The following TMEM245 variants were observed in gnomAD, a reference collection of about 807,000 sequenced individuals.
TMEM245 encodes transmembrane protein 245, also known as protein CG-2.
A neutral mutation model predicts 101.2 loss-of-function variants in TMEM245; 69 were observed. That is an observed-to-expected ratio of 0.68 (90% CI 0.56 to 0.83). The LOEUF is 0.83. Among genes scored for constraint, TMEM245 ranks in the 40% least tolerant of loss-of-function variants. The pLI, the probability that TMEM245 is intolerant of heterozygous loss-of-function variation, is 0.00. For synonymous variants in TMEM245, 537 were observed against 449.8 expected, an observed-to-expected ratio of 1.19 and a Z score of -2.45; for missense variants, 1,075 against 1,092.8, an observed-to-expected ratio of 0.98 and a Z score of 0.23.
At chr9:109,071,627 C>G (rs1234252015) in intron 9 of TMEM245, among the ~76,000 whole-genome samples, 2 of 151,002 alleles carry the variant, frequency 1.3e-5, no homozygotes, top group Non-Finnish European at 3.0e-5. Flanking sequence ...AAATTTTATT[C>G]TAAATCAAGT....
intron 16 of TMEM245, among the ~76,000 whole-genome samples, chr9:109,034,612 A>G (rs945141868): frequency 6.6e-6 from 1 of 151,644 alleles, no homozygotes; most frequent in African/African-American, 2.4e-5. Context: ...ACACCAAACT[A>G]ATCTTTATAT....
chr9:109,032,365 C>CTTTTTTT lies in TMEM245; in HGVS notation c.2594+935_2594+941dup, dbSNP rs755399182. 7.0e-3 allele frequency among the ~76,000 whole-genome samples: 286 copies of CTTTTTTT among 40,976 alleles called. 100 individuals are homozygous for CTTTTTTT. Among genetic ancestry groups the CTTTTTTT allele is most frequent in the Non-Finnish European group, 9.2e-3 (207 of 22,610 alleles). 26.9% of individuals were successfully genotyped at this position (40,976 alleles called of 152,430 possible). The stretch of plus-strand genomic sequence containing the variant: ...GCATTTGGTTGTCCTATTTCTTTTC[C>CTTTTTTT]TTTTTTTTTTTTTTTTTTTTTTTTT... On this transcript the variant is annotated intron_variant, in intron 17 of 17. Transcript: ENST00000374586.
At chr9:109,034,066 C>T (rs1272591269) in intron 16 of TMEM245, among the ~76,000 whole-genome samples, 1 of 152,164 alleles carries the variant, frequency 6.6e-6, no homozygotes, top group East Asian at 1.9e-4. Flanking sequence ...ACAGGAGAAT[C>T]ACAAATGCCC....
intron 9 of TMEM245, among the ~76,000 whole-genome samples, chr9:109,067,212 G>T (rs1205186001): frequency 6.6e-6 from 1 of 152,198 alleles, no homozygotes; most frequent in Non-Finnish European, 1.5e-5. Flanking sequence ...AGCAACAAAT[G>T]AGAGGAGCTG....
chr9:109,074,748 T>A (rs1829444264), intron 8 of TMEM245, among the ~76,000 whole-genome samples: 1 of 151,404 alleles, frequency 6.6e-6, no homozygotes. Context: ...CAGAACAGAG[T>A]CTAGATACCC....
chr9:109,059,715 A>G (rs971279619), intron 11 of TMEM245, among the ~76,000 whole-genome samples: 2 of 152,032 alleles, frequency 1.3e-5, no homozygotes, highest in African/African-American at 4.8e-5. Context: ...ATAATAAAAA[A>G]TAAAAGATCT....
At chr9:109,072,798 G>T (rs1285982197) in intron 9 of TMEM245, among the ~76,000 whole-genome samples, 1 of 152,182 alleles carries the variant, frequency 6.6e-6, no homozygotes, top group African/African-American at 2.4e-5. Flanking sequence ...TTGAGCCCAG[G>T]AGTTCAAGAT....
intron 3 of TMEM245, among the ~76,000 whole-genome samples, chr9:109,094,635 G>C (rs1830092333): frequency 6.6e-6 from 1 of 152,198 alleles, no homozygotes; most frequent in African/African-American, 2.4e-5. Flanking sequence ...GCTTCCACCT[G>C]TGTCAGATTC....
At chr9:109,038,902 CAG>C (rs1199671425) in intron 14 of TMEM245, 2 of 152,226 alleles carry the variant, frequency 1.3e-5, no homozygotes, top group Non-Finnish European at 2.9e-5. Context: ...AGGAACTGTT[CAG>C]AGAGCACAAA....
At chr9:109,113,011 G>A (rs1439061191) in intron 1 of TMEM245, among the ~76,000 whole-genome samples, 1 of 152,198 alleles carries the variant, frequency 6.6e-6, no homozygotes, top group Non-Finnish European at 1.5e-5. Context: ...GGGAGGCAGA[G>A]GTTGCAGTGA....
Position 109,033,288 on chromosome 9 carries a change from T to C in TMEM245, c.2594+19A>G, listed in dbSNP as rs1828018754. On this transcript the variant is annotated intron_variant, in intron 17 of 17. Coordinates refer to ENST00000374586, the MANE Select transcript of TMEM245 (RefSeq NM_032012.4). ...TTCAATGTATAAATACAGCTTATGA[T>C]TATTCTGCTTTAACTCACCGCTGAG... 6.3e-7 allele frequency: 1 copy of C among 1,577,802 alleles called. No homozygotes were observed. Among genetic ancestry groups the C allele is most frequent in the Non-Finnish European group, 8.6e-7 (1 of 1,163,288 alleles).
chr9:109,091,103 G>C lies in TMEM245; in HGVS notation c.969C>G (p.Pro323=). ...SAPTLSTSPS[P]SSPSPTSPSP... ...AAGGGGAAGTGGGTGAAGGGGAGGA[G>C]GGTGAAGGGGAGGTGGACAACGTTG... The change falls in exon 5 of 18, where the codon CCC becomes CCG. Residue 323 remains proline (P), a synonymous_variant. Coordinates refer to ENST00000374586, the MANE Select transcript of TMEM245 (RefSeq NM_032012.4). 2 of 1,614,052 alleles carry C rather than the reference G, an allele frequency of 1.2e-6. No homozygotes were observed. Among genetic ancestry groups the C allele is most frequent in the Non-Finnish European group, 1.7e-6 (2 of 1,179,968 alleles).
intron 11 of TMEM245, among the ~76,000 whole-genome samples, chr9:109,058,637 C>T (rs953341751): frequency 6.6e-6 from 1 of 152,132 alleles, no homozygotes; most frequent in African/African-American, 2.4e-5. Flanking sequence ...CAGCGTCTTG[C>T]TTGCCCTGTC....
chr9:109,119,366 C>T lies in TMEM245; in HGVS notation c.548G>A (p.Cys183Tyr), dbSNP rs1208978581. The change falls in exon 1 of 18, where the codon TGC (cysteine) becomes TAC (tyrosine). Residue 183 changes from cysteine (C) to tyrosine (Y), a missense_variant. By Grantham distance (194) the Cys-to-Tyr change is radical. Coordinates refer to ENST00000374586, the MANE Select transcript of TMEM245 (RefSeq NM_032012.4). ...GCTGCTGAAGTAGTCCAGCCCGCGGCAGATGAGCGTGGCAGCGTGCACCAG... is the reference window on the plus strand; with the variant it reads ...GCTGCTGAAGTAGTCCAGCCCGCGGTAGATGAGCGTGGCAGCGTGCACCAG... The part of the protein sequence containing the change: ...VLLVHAATLI[C>Y]RGLDYFSSLW... The T allele has an allele frequency of 3.3e-6, 5 of 1,531,346 alleles. No homozygotes were observed. Among genetic ancestry groups the T allele is most frequent in the Admixed American group, 2.0e-5 (1 of 50,514 alleles). The allele number at this position is 1,531,346 out of a possible 1,614,324, so 94.9% of individuals were successfully genotyped here.
intron 10 of TMEM245, among the ~76,000 whole-genome samples, chr9:109,062,549 C>T (rs112532066): frequency 0.011 from 1,750 of 152,248 alleles, 14 homozygotes; most frequent in South Asian, 0.031. Flanking sequence ...TTACTCTTTG[C>T]CTATTTGATG....
intron 1 of TMEM245, among the ~76,000 whole-genome samples, chr9:109,111,470 AT>A (rs1265961496): frequency 1.3e-5 from 2 of 152,144 alleles, no homozygotes; most frequent in Non-Finnish European, 2.9e-5. Context: ...CATACTTCAG[AT>A]TTTTTAAGAG....
At chr9:109,055,102 T>C (rs181169476) in intron 12 of TMEM245, among the ~76,000 whole-genome samples, 3 of 152,378 alleles carry the variant, frequency 2.0e-5, no homozygotes, top group East Asian at 1.9e-4. Context: ...AATTTAATCA[T>C]GTTTCTTTAT....
chr9:109,086,977 C>T (rs72760348), intron 6 of TMEM245, among the ~76,000 whole-genome samples, 196 bp downstream of exon 6: 20,462 of 152,160 alleles, frequency 0.13, 1,618 homozygotes, highest in African/African-American at 0.19. Context: ...GGAAAAAATA[C>T]TTACACAAGC....
Position 109,087,294 on chromosome 9 carries a change from A to G in TMEM245, c.1199T>C (p.Leu400Pro). The G allele has an allele frequency of 4.3e-6, 7 of 1,613,112 alleles. No homozygotes were observed. Among genetic ancestry groups the G allele is most frequent in the Non-Finnish European group, 5.9e-6 (7 of 1,179,630 alleles). The change falls in exon 6 of 18, where the codon CTA becomes CCA. Residue 400 changes from leucine (L) to proline (P), a missense_variant. By Grantham distance (98) the Leu-to-Pro change is moderately conservative. Around this residue, in one of 2 missense-constraint regions of TMEM245, gnomAD observed 808 missense variants for 741.5 expected, o/e 1.09. Coordinates refer to ENST00000374586, the MANE Select transcript of TMEM245 (RefSeq NM_032012.4). ...CCACCACACATGGTAGCGTTTCTCTAGGAAATCCACAACTCCAAAGTGAAT... is the reference window on the plus strand; with the variant it reads ...CCACCACACATGGTAGCGTTTCTCTGGGAAATCCACAACTCCAAAGTGAAT... ...LVIHFGVVDF[L>P]EKRYHVWWGI...
Sources: gnomAD v4.1 joint callset for allele counts (sites outside exome capture counted in the v4.1 genomes callset) on GRCh38, gnomAD v4.1.1 for gene constraint, gnomAD v4.1.1 regional missense constraint, MANE v1.5 for transcripts, NCBI Gene and HGNC (gene_info 2026-07-23, HGNC 2026-07-21) for gene names.